The following CBR1 variants were observed in gnomAD, a reference collection of about 807,000 sequenced individuals.
The protein encoded by CBR1 is carbonyl reductase 1.
Under a neutral mutation model 10.6 loss-of-function variants are expected in CBR1, and 11 were observed. The observed-to-expected ratio is 1.03, with a 90% CI of 0.65 to 1.71. The LOEUF is 1.71. CBR1 is among the 40% of genes most tolerant of loss of function. The pLI, the probability that CBR1 is intolerant of heterozygous loss-of-function variation, is 0.00. For synonymous variants in CBR1, 158 were observed against 156.7 expected, an observed-to-expected ratio of 1.01 and a Z score of -0.06; for missense variants, 361 against 368.6, an observed-to-expected ratio of 0.98 and a Z score of 0.17.
At chr21:36,070,853 G>GTTTTTGTTTTTTTTTT (rs1568956922) in intron 1 of CBR1, 97 bp from the exon 2 acceptor site, 8 of 509,434 alleles carry the variant, frequency 1.6e-5, no homozygotes, top group South Asian at 2.3e-5. Flanking sequence ...AGGGCACTAA[G>GTTTTTGTTTTTTTTTT]TTTTTTTTTT....
chr21:36,072,985 A>G lies in CBR1; in HGVS notation c.*103A>G. On this transcript the variant is annotated 3_prime_UTR_variant, in exon 3 of 3. Transcript: ENST00000290349. ...TAAATATCCTTATATAAGAAAAAAA[A>G]TGATCTCTTATCAATTAGCACTCAC... The G allele has an allele frequency of 1.3e-6, 1 of 754,794 alleles. No homozygotes were observed. The highest frequency in any genetic ancestry group is 2.1e-6 in the Non-Finnish European group (1 of 479,918). The allele number at this position is 754,794 out of a possible 1,614,324, so 46.8% of individuals were successfully genotyped here.
rs775778302 is a variant in CBR1 at position 36,070,329 on chromosome 21, G to A, written c.214G>A (p.Ala72Thr). ...CATCGACGATCTGCAGAGCATCCGCGCCCTGCGCGACTTCCTGCGCAAGGA... is the reference window on the plus strand; with the variant it reads ...CATCGACGATCTGCAGAGCATCCGCACCCTGCGCGACTTCCTGCGCAAGGA... The part of the protein sequence containing the change: ...LDIDDLQSIR[A>T]LRDFLRKEYG... Residue 72 changes from alanine (A) to threonine (T), a missense_variant, in exon 1 of 3, where the codon GCC becomes ACC. Physicochemically the swap from Ala to Thr is moderately conservative, Grantham distance 58. Coordinates refer to ENST00000290349, the MANE Select transcript of CBR1 (RefSeq NM_001757.4). The A allele has an allele frequency of 3.2e-5, 51 of 1,613,356 alleles. No individual in the cohort carries two copies. Among genetic ancestry groups the A allele is most frequent in the Non-Finnish European group, 4.2e-5 (49 of 1,179,976 alleles).
Position 36,072,647 on chromosome 21 carries a change from G to C in CBR1, c.599G>C (p.Gly200Ala). The C allele has an allele frequency of 1.9e-6, 3 of 1,611,968 alleles. No homozygotes were observed. Among genetic ancestry groups the C allele is most frequent in the Non-Finnish European group, 2.5e-6 (3 of 1,178,806 alleles). The change falls in exon 3 of 3, where the codon GGC becomes GCC. Residue 200 changes from glycine to alanine, a missense_variant. By Grantham distance (60) the Gly-to-Ala change is moderately conservative. Coordinates refer to ENST00000290349, the MANE Select transcript of CBR1 (RefSeq NM_001757.4). ...PSSAYGVTKI[G>A]VTVLSRIHAR... ...AGCGCATACGGGGTGACGAAGATTG[G>C]CGTCACCGTTCTGTCCAGGATCCAC...
In CBR1 at chr21:36,072,942, A is replaced by G. The variant is rs533716973; in HGVS notation, c.*60A>G. 9.1e-6 allele frequency: 11 copies of G among 1,209,660 alleles called. No individual in the cohort carries two copies. The highest frequency in any genetic ancestry group is 2.3e-5 in the Admixed American group (1 of 42,796). 74.9% of individuals were successfully genotyped at this position (1,209,660 alleles called of 1,614,324 possible). A position where few individuals can be genotyped will look rare whatever the true frequency, so the allele number is the denominator to read the frequency against. On this transcript the variant is annotated 3_prime_UTR_variant, in exon 3 of 3. Coordinates refer to ENST00000290349, the MANE Select transcript of CBR1 (RefSeq NM_001757.4). ...TGTACCTTGTCCTGAGTTGGTCCAA[A>G]GGGCATTTACAATGTCATAAATATC... is the stretch of plus-strand genomic sequence containing the variant.
chr21:36,073,017 A>G lies in CBR1; in HGVS notation c.*135A>G. On this transcript the variant is annotated 3_prime_UTR_variant, in exon 3 of 3. Transcript: ENST00000290349. ...CTTATCAATTAGCACTCACTAATGT[A>G]CTACTAATTGAGCAACCTACGCACT... is the stretch of plus-strand genomic sequence containing the variant. 3.5e-6 allele frequency: 2 copies of G among 579,272 alleles called. No homozygotes were observed. The highest frequency in any genetic ancestry group is 5.8e-6 in the Non-Finnish European group (2 of 343,238). 35.9% of individuals were successfully genotyped at this position (579,272 alleles called of 1,614,324 possible).
chr21:36,070,074 G>C lies in CBR1; in HGVS notation c.-42G>C, dbSNP rs1392287768. ...CTGCGGGGCTCCCGGGCCTGAGCCAGGTCTGTTCTCCACGCAGGTGTTCCG... is the reference window on the plus strand; with the variant it reads ...CTGCGGGGCTCCCGGGCCTGAGCCACGTCTGTTCTCCACGCAGGTGTTCCG... On this transcript the variant is annotated 5_prime_UTR_variant, in exon 1 of 3. Transcript: ENST00000290349. 1 of 1,462,354 alleles carries C rather than the reference G, an allele frequency of 6.8e-7. No individual in the cohort carries two copies. The highest frequency in any genetic ancestry group is 9.1e-7 in the Non-Finnish European group (1 of 1,103,094). The allele number at this position is 1,462,354 out of a possible 1,614,324, so 90.6% of individuals were successfully genotyped here.
chr21:36,071,651 C>A (rs2065352930), intron 2 of CBR1: 1 of 599,374 alleles, frequency 1.7e-6, no homozygotes, highest in Non-Finnish European at 3.0e-6. Context: ...CCATGCCCCA[C>A]CCCTCATAAT....
intron 2 of CBR1, 69 bp from the exon 3 acceptor site, chr21:36,072,377 A>C: frequency 6.2e-7 from 1 of 1,613,416 alleles, no homozygotes; most frequent in Non-Finnish European, 8.5e-7. Flanking sequence ...AATCCCTGCA[A>C]ATTTGGCATT....
At chr21:36,071,440 A>C (rs966322447) in intron 2 of CBR1, 11 of 588,180 alleles carry the variant, frequency 1.9e-5, no homozygotes, top group Admixed American at 3.0e-5. Context: ...TACTACCACC[A>C]GTTCATTAGG....
Position 36,070,142 on chromosome 21 carries a change from G to T in CBR1, c.27G>T (p.Leu9=). Residue 9 remains leucine, a synonymous_variant, in exon 1 of 3, where the codon CTG becomes CTT. Transcript: ENST00000290349. MSSGIHVA[L]VTGGNKGIGL... ...TGTCGTCCGGCATCCATGTAGCGCT[G>T]GTGACTGGAGGCAACAAGGGCATCG... is the stretch of plus-strand genomic sequence containing the variant. The T allele has an allele frequency of 6.4e-7, 1 of 1,561,990 alleles. No homozygotes were observed. Among genetic ancestry groups the T allele is most frequent in the Non-Finnish European group, 8.7e-7 (1 of 1,154,716 alleles).
intron 2 of CBR1, chr21:36,072,025 G>A: frequency 6.6e-7 from 1 of 1,514,666 alleles, no homozygotes. Context: ...CTAAGTAATG[G>A]GACAGGAGAT....
At chr21:36,071,899 T>A (rs929026045) in intron 2 of CBR1, 1 of 1,536,128 alleles carries the variant, frequency 6.5e-7, no homozygotes, top group Non-Finnish European at 8.7e-7. Flanking sequence ...TTCACAGAGA[T>A]GTCCATAATC....
chr21:36,070,428 C>T (rs1250585509), intron 1 of CBR1, 24 bp downstream of exon 1: 1 of 1,558,312 alleles, frequency 6.4e-7, no homozygotes, highest in East Asian at 2.3e-5. Flanking sequence ...ACGTGGCCTC[C>T]CCGAAGAAGA....
intron 2 of CBR1, 117 bp from the exon 3 acceptor site, chr21:36,072,329 C>G (rs2065357882): frequency 1.3e-6 from 2 of 1,589,390 alleles, no homozygotes; most frequent in Non-Finnish European, 1.7e-6. Context: ...AGAACTCATA[C>G]CAGTAACTGT....
rs760263509 is a variant in CBR1, at chr21:36,072,911, C to G, written c.*29C>G. 4 of 1,500,506 alleles carry G rather than the reference C, an allele frequency of 2.7e-6. No homozygotes were observed. Among genetic ancestry groups the G allele is most frequent in the African/African-American group, 2.8e-5 (2 of 71,772 alleles). The allele number at this position is 1,500,506 out of a possible 1,614,324, so 92.9% of individuals were successfully genotyped here. On this transcript the variant is annotated 3_prime_UTR_variant, in exon 3 of 3. Transcript: ENST00000290349. ...GGGCTCACAGCTCCATCCATGGGCC[C>G]CATTTTGTACCTTGTCCTGAGTTGG... is the stretch of plus-strand genomic sequence containing the variant.
At chr21:36,070,445 G>A (rs1316449405) in intron 1 of CBR1, 41 bp downstream of exon 1, 2 of 1,538,958 alleles carry the variant, frequency 1.3e-6, no homozygotes, top group Non-Finnish European at 1.7e-6. Flanking sequence ...AAGAACCGAT[G>A]CACTGGGGCT....
In CBR1 at chr21:36,070,066, C is replaced by T; in HGVS notation, c.-50C>T. ...GGAACACGCTGCGGGGCTCCCGGGC[C>T]TGAGCCAGGTCTGTTCTCCACGCAG... On this transcript the variant is annotated 5_prime_UTR_variant, in exon 1 of 3. Coordinates refer to ENST00000290349, the MANE Select transcript of CBR1 (RefSeq NM_001757.4). The T allele has an allele frequency of 2.1e-6, 3 of 1,444,442 alleles. No individual in the cohort carries two copies. Among genetic ancestry groups the T allele is most frequent in the Non-Finnish European group, 2.7e-6 (3 of 1,095,520 alleles). The allele number at this position is 1,444,442 out of a possible 1,614,324, so 89.5% of individuals were successfully genotyped here.
chr21:36,071,914 G>A (rs923875635), intron 2 of CBR1: 19 of 1,535,860 alleles, frequency 1.2e-5, no homozygotes, highest in Middle Eastern at 1.7e-4. Context: ...ATAATCTGCC[G>A]CTGCTTAACT....
rs759352463 is a variant in CBR1, at chr21:36,072,875, A to G, written c.827A>G (p.Gln276Arg). Residue 276 changes from glutamine to arginine, a missense_variant, in exon 3 of 3, where the codon CAG (glutamine) becomes CGG (arginine). Gln to Arg is a conservative substitution (Grantham distance 43). Transcript: ENST00000290349. ...GQFVSEKRVE[Q>R]W ...TTTGTTTCAGAGAAGAGAGTTGAAC[A>G]GTGGTGAGCTGGGCTCACAGCTCCA... 1 of 1,609,566 alleles carries G rather than the reference A, an allele frequency of 6.2e-7. No homozygotes were observed. The highest frequency in any genetic ancestry group is 8.5e-7 in the Non-Finnish European group (1 of 1,177,312).
Sources: allele counts gnomAD v4.1 joint callset, GRCh38; gene constraint gnomAD v4.1.1; transcripts MANE v1.5; gene names NCBI Gene and HGNC (gene_info 2026-07-23, HGNC 2026-07-21).